FOXO3: variants seen among roughly 807,000 people sequenced by gnomAD.
The protein encoded by FOXO3 is forkhead box protein O3.
A neutral mutation model predicts 41.9 loss-of-function variants in FOXO3; 4 were observed. That is an observed-to-expected ratio of 0.10 (90% confidence interval 0.05 to 0.22). The LOEUF (loss-of-function observed/expected upper bound fraction) is 0.22. FOXO3 is among the 10% of genes least tolerant of loss of function. FOXO3 has a pLI of 1.00. For missense variants in FOXO3, 534 were observed against 906.8 expected, an observed-to-expected ratio of 0.59 and a Z score of 5.28; for synonymous variants, 318 against 389.3, an observed-to-expected ratio of 0.82 and a Z score of 2.16.
At chr6:108,672,942 A>T (rs144625784) in intron 2 of FOXO3, among the ~76,000 whole-genome samples, 6 of 152,266 alleles carry the variant, frequency 3.9e-5, no homozygotes, top group Admixed American at 1.3e-4. Context: ...AGAAGGCCAG[A>T]GGTAGAAGTC....
At chr6:108,668,817 G>A (rs759768799) in intron 2 of FOXO3, among the ~76,000 whole-genome samples, 2 of 152,164 alleles carry the variant, frequency 1.3e-5, no homozygotes, top group Non-Finnish European at 2.9e-5. Flanking sequence ...TTTTAAAGGT[G>A]CATAGTATGT....
At chr6:108,565,131 T>G (rs1363203905) in intron 1 of FOXO3, among the ~76,000 whole-genome samples, 1 of 152,182 alleles carries the variant, frequency 6.6e-6, no homozygotes, top group Non-Finnish European at 1.5e-5. Flanking sequence ...GATGGGCAAA[T>G]GTAGATGGAG....
At chr6:108,677,700 G>A (rs1393959795) in intron 2 of FOXO3, among the ~76,000 whole-genome samples, 2 of 152,110 alleles carry the variant, frequency 1.3e-5, no homozygotes, top group Admixed American at 6.5e-5. Flanking sequence ...GTTATTGTGA[G>A]GGGAAAAAAC....
intron 1 of FOXO3, among the ~76,000 whole-genome samples, chr6:108,636,976 A>C (rs1335121890): frequency 6.6e-6 from 1 of 152,188 alleles, no homozygotes; most frequent in Admixed American, 6.5e-5. Context: ...GGACCTGCAG[A>C]TCTTTCTGAC....
intron 1 of FOXO3, among the ~76,000 whole-genome samples, chr6:108,582,439 C>T (rs1293308495): frequency 6.6e-6 from 1 of 152,118 alleles, no homozygotes; most frequent in East Asian, 1.9e-4. Context: ...CAGTCCAGAC[C>T]AATAACATTT....
chr6:108,611,460 T>A (rs756290832), intron 1 of FOXO3, among the ~76,000 whole-genome samples: 1 of 152,202 alleles, frequency 6.6e-6, no homozygotes, highest in Admixed American at 6.5e-5. Context: ...CCAGAGTGAA[T>A]GTACTGTTTT....
intron 1 of FOXO3, among the ~76,000 whole-genome samples, chr6:108,627,894 A>G (rs755441729): frequency 6.6e-6 from 1 of 152,142 alleles, no homozygotes; most frequent in Non-Finnish European, 1.5e-5. Flanking sequence ...CTGTTAGAGT[A>G]TCACGTACTT....
intron 1 of FOXO3, among the ~76,000 whole-genome samples, chr6:108,620,058 G>A (rs1231852138): frequency 6.6e-6 from 1 of 152,200 alleles, no homozygotes; most frequent in African/African-American, 2.4e-5. Flanking sequence ...TCCATTCTTA[G>A]TGCAGAAGAG....
chr6:108,601,983 A>G (rs1346041201), intron 1 of FOXO3, among the ~76,000 whole-genome samples: 5 of 152,174 alleles, frequency 3.3e-5, no homozygotes, highest in Non-Finnish European at 7.3e-5. Flanking sequence ...TGTGAACGTA[A>G]ATTTTCATTT....
At chr6:108,600,744 TG>T (rs1318988887) in intron 1 of FOXO3, among the ~76,000 whole-genome samples, 1 of 152,152 alleles carries the variant, frequency 6.6e-6, no homozygotes, top group African/African-American at 2.4e-5. Context: ...TCAGGTACTT[TG>T]TGGTTGAATG....
At chr6:108,572,131 C>T (rs1359640200) in intron 1 of FOXO3, among the ~76,000 whole-genome samples, 2 of 152,042 alleles carry the variant, frequency 1.3e-5, no homozygotes, top group African/African-American at 2.4e-5. Context: ...ACAGTATGGC[C>T]GTGCTTGTTG....
At chr6:108,580,523 C>T (rs542798214) in intron 1 of FOXO3, among the ~76,000 whole-genome samples, 13 of 152,288 alleles carry the variant, frequency 8.5e-5, no homozygotes, top group South Asian at 2.1e-4. Context: ...AACTGAGGTA[C>T]GAAACGGCTA....
intron 1 of FOXO3, among the ~76,000 whole-genome samples, chr6:108,600,778 A>T (rs1301784941): frequency 6.6e-6 from 1 of 152,122 alleles, no homozygotes; most frequent in Non-Finnish European, 1.5e-5. Context: ...TTTATAAGGG[A>T]AGAAGGATTA....
rs1770889026 is a variant in FOXO3 at position 108,682,226 on chromosome 6, T to C, written c.*2434T>C. The C allele has an allele frequency of 6.6e-6, 1 of 152,670 alleles. No homozygotes were observed. The highest frequency in any genetic ancestry group is 1.5e-5 in the Non-Finnish European group (1 of 68,050). 9.5% of individuals were successfully genotyped at this position (152,670 alleles called of 1,614,324 possible). A position where few individuals can be genotyped will look rare whatever the true frequency, so the allele number is the denominator to read the frequency against. ...ACATGGTATCTCATTTATTCTCCTT[T>C]TCTAGCGTTTGTTGAATTTCAGGCA... is the stretch of plus-strand genomic sequence containing the variant. On this transcript the variant is annotated 3_prime_UTR_variant, in exon 3 of 3. Coordinates refer to ENST00000406360, the MANE Select transcript of FOXO3 (RefSeq NM_001455.4).
At position 108,664,139 on chromosome 6, in the gene FOXO3, G is replaced by C; in HGVS notation, c.1306G>C (p.Gly436Arg). The C allele has an allele frequency of 1.2e-6, 2 of 1,614,022 alleles. No individual in the cohort carries two copies. Among genetic ancestry groups the C allele is most frequent in the Non-Finnish European group, 1.7e-6 (2 of 1,180,004 alleles). ...CAGCTCCTTTAACAGCACGGTGTTC[G>C]GACCTTCATCTCTGAACTCCCTACG... The part of the protein sequence containing the change: ...PTSSFNSTVF[G>R]PSSLNSLRQS... The change falls in exon 2 of 3, where the codon GGA becomes CGA. Residue 436 changes from glycine (G) to arginine (R), a missense_variant. Around this residue, in one of 8 missense-constraint regions of FOXO3, gnomAD observed 185 missense variants for 224.9 expected, o/e 0.82. Transcript: ENST00000406360.
intron 1 of FOXO3, among the ~76,000 whole-genome samples, chr6:108,645,603 A>C (rs2128380800): frequency 6.6e-6 from 1 of 152,280 alleles, no homozygotes; most frequent in East Asian, 1.9e-4. Context: ...CTTCAGGGCC[A>C]GGAGGATTAC....
At chr6:108,602,837 T>G (rs536985722) in intron 1 of FOXO3, among the ~76,000 whole-genome samples, 1 of 152,304 alleles carries the variant, frequency 6.6e-6, no homozygotes, top group East Asian at 1.9e-4. Flanking sequence ...AGTGGTCTTT[T>G]AATGGAACTG....
At chr6:108,581,779 A>G (rs543474295) in intron 1 of FOXO3, among the ~76,000 whole-genome samples, 51 of 152,302 alleles carry the variant, frequency 3.3e-4, no homozygotes, top group African/African-American at 1.0e-3. Flanking sequence ...TAAATCTCCC[A>G]AAGTCTTCAG....
At position 108,563,519 on chromosome 6, in the gene FOXO3, A is replaced by C. The variant is rs144211281; in HGVS notation, c.621+1690A>C. 5.4e-4 allele frequency among the ~76,000 whole-genome samples: 82 copies of C among 152,350 alleles called. 1 individual carries two copies. The highest frequency in any genetic ancestry group is 6.8e-3 in the Middle Eastern group (2 of 294). ...GAAGGGTTAATCAGTGTATAGTATC[A>C]GGAAGGCGTAAGCGGACAGGATCTG... On this transcript the variant is annotated intron_variant, in intron 1 of 2. Transcript: ENST00000406360.
Sources: gnomAD v4.1 joint callset for allele counts (sites outside exome capture counted in the v4.1 genomes callset) on GRCh38, gnomAD v4.1.1 for gene constraint, gnomAD v4.1.1 regional missense constraint, MANE v1.5 for transcripts, NCBI Gene and HGNC (gene_info 2026-07-23, HGNC 2026-07-21) for gene names.